UBE2B: variants seen among roughly 807,000 people sequenced by gnomAD.
The protein encoded by UBE2B is ubiquitin-conjugating enzyme E2 B.
Under a neutral mutation model 24.6 loss-of-function variants are expected in UBE2B, and 11 were observed. That is an observed-to-expected ratio of 0.45 (90% CI 0.28 to 0.74). The LOEUF is 0.74. Ranked by LOEUF, UBE2B falls within the 30% of genes least tolerant of loss-of-function variation. The pLI is 0.13. For synonymous variants in UBE2B, 68 were observed against 62.4 expected (o/e 1.09, Z -0.42); for missense variants, 78 against 185.6 (o/e 0.42, Z 3.37).
At chr5:134,387,883 A>G (rs1758832585) in intron 4 of UBE2B, among the ~76,000 whole-genome samples, 1 of 152,012 alleles carries the variant, frequency 6.6e-6, no homozygotes, top group African/African-American at 2.4e-5. Context: ...GCTCACTGCA[A>G]CCCCTGCCTC....
chr5:134,382,325 C>T (rs1758721723), intron 4 of UBE2B, among the ~76,000 whole-genome samples: 1 of 151,892 alleles, frequency 6.6e-6, no homozygotes, highest in Non-Finnish European at 1.5e-5. Flanking sequence ...TGGTGGCGCA[C>T]ACCTGTAGTC....
chr5:134,387,654 G>A, intron 4 of UBE2B, among the ~76,000 whole-genome samples: 1 of 152,188 alleles, frequency 6.6e-6, no homozygotes, highest in Non-Finnish European at 1.5e-5. Flanking sequence ...AGAATGACAA[G>A]TGAGCACACA....
chr5:134,383,119 C>G (rs527718826), intron 4 of UBE2B, among the ~76,000 whole-genome samples: 66 of 152,018 alleles, frequency 4.3e-4, no homozygotes, highest in African/African-American at 1.5e-3. Context: ...GAGCCAAGAT[C>G]GCGCCACTGC....
At chr5:134,386,617 A>T (rs1218174786) in intron 4 of UBE2B, among the ~76,000 whole-genome samples, 1 of 151,708 alleles carries the variant, frequency 6.6e-6, no homozygotes, top group Non-Finnish European at 1.5e-5. Context: ...GGGCAACAAG[A>T]GCGAAACTCC....
rs565431590 is a variant in UBE2B, at chr5:134,391,616, T to G, written c.*1263T>G. ...TCATATCCATAAAATTGGATTACAGTATGGCAATATCTACAGCTTCTATTC... is the reference window on the plus strand; with the variant it reads ...TCATATCCATAAAATTGGATTACAGGATGGCAATATCTACAGCTTCTATTC... On this transcript the variant is annotated 3_prime_UTR_variant, in exon 6 of 6. Coordinates refer to ENST00000265339, the MANE Select transcript of UBE2B (RefSeq NM_003337.4). 3.9e-5 allele frequency: 6 copies of G among 152,588 alleles called. No individual in the cohort carries two copies. Among genetic ancestry groups the G allele is most frequent in the Admixed American group, 2.6e-4 (4 of 15,268 alleles). The allele number at this position is 152,588 out of a possible 1,614,324, so 9.5% of individuals were successfully genotyped here.
Position 134,388,526 on chromosome 5 carries a change from G to A in UBE2B, c.330+113G>A, listed in dbSNP as rs567639455. The stretch of plus-strand genomic sequence containing the variant: ...CTTGGACAAGAATCCATGCTTTTCA[G>A]CTAACTTTTCTCTTTCAGTAGTGCC... On this transcript the variant is annotated intron_variant, in intron 5 of 5. Transcript: ENST00000265339. 6.5e-5 allele frequency: 63 copies of A among 966,688 alleles called. No individual in the cohort carries two copies. In the African/African-American group the frequency reaches 1.0e-3, roughly 15 times the overall value. The allele number at this position is 966,688 out of a possible 1,614,324, so 59.9% of individuals were successfully genotyped here. A position where few individuals can be genotyped will look rare whatever the true frequency, so the allele number is the denominator to read the frequency against.
chr5:134,383,473 C>CTTTTT (rs747399191), intron 4 of UBE2B, among the ~76,000 whole-genome samples: 4 of 80,040 alleles, frequency 5.0e-5, no homozygotes, highest in African/African-American at 1.6e-4. Flanking sequence ...CCATACCCAG[C>CTTTTT]TTTTTTTTTT....
intron 3 of UBE2B, among the ~76,000 whole-genome samples, chr5:134,379,179 T>C (rs564378043): frequency 2.0e-5 from 3 of 152,110 alleles, no homozygotes; most frequent in South Asian, 4.1e-4. Context: ...TACAAAACCA[T>C]GAATGGGTAA....
chr5:134,380,034 C>T (rs1758684005), intron 3 of UBE2B, among the ~76,000 whole-genome samples: 1 of 151,870 alleles, frequency 6.6e-6, no homozygotes, highest in East Asian at 1.9e-4. Context: ...TCTTGCCTCA[C>T]CCTCCTGAGT....
At chr5:134,385,473 T>C (rs990201346) in intron 4 of UBE2B, 10 of 152,214 alleles carry the variant, frequency 6.6e-5, no homozygotes, top group African/African-American at 2.4e-4. Flanking sequence ...TCTGTAACAT[T>C]TAAATGAATT....
chr5:134,380,501 A>G (rs1051677030), intron 3 of UBE2B, among the ~76,000 whole-genome samples: 2 of 152,228 alleles, frequency 1.3e-5, no homozygotes, highest in Non-Finnish European at 2.9e-5. Flanking sequence ...ACTCCCACCA[A>G]TAGCAACATG....
At chr5:134,382,748 T>C (rs1581323860) in intron 4 of UBE2B, among the ~76,000 whole-genome samples, 1 of 151,466 alleles carries the variant, frequency 6.6e-6, no homozygotes, top group East Asian at 1.9e-4. Context: ...CTCTCCATCC[T>C]GGGTGACAAA....
At chr5:134,377,738 G>A (rs34369152) in intron 3 of UBE2B, among the ~76,000 whole-genome samples, 20,448 of 151,952 alleles carry the variant, frequency 0.13, 1,649 homozygotes, top group African/African-American at 0.21. Flanking sequence ...GGACCCATAC[G>A]ATCAAATCTC....
intron 3 of UBE2B, among the ~76,000 whole-genome samples, chr5:134,379,133 T>C (rs140431644): frequency 8.8e-4 from 134 of 152,164 alleles, no homozygotes; most frequent in African/African-American, 3.1e-3. Flanking sequence ...TAAACTCGAG[T>C]CACCCAATAT....
intron 5 of UBE2B, chr5:134,389,117 A>T (rs1261799712): frequency 4.5e-6 from 1 of 224,278 alleles, no homozygotes; most frequent in Non-Finnish European, 9.0e-6. Context: ...ACGCCTGGCT[A>T]AGTTTTTGTA....
intron 2 of UBE2B, 104 bp downstream of exon 2, chr5:134,374,567 C>T: frequency 1.6e-6 from 2 of 1,242,506 alleles, no homozygotes; most frequent in Non-Finnish European, 1.2e-6. Flanking sequence ...AATGAGAGAT[C>T]TTAAGGACTA....
intron 3 of UBE2B, among the ~76,000 whole-genome samples, chr5:134,378,341 C>A (rs1352266746): frequency 6.6e-6 from 1 of 152,078 alleles, no homozygotes; most frequent in African/African-American, 2.4e-5. Context: ...CTCACTGAAG[C>A]CTCCGCCTCC....
chr5:134,390,103 C>CAT lies in UBE2B; in HGVS notation c.331-121_331-120dup. 1 of 1,196,846 alleles carries CAT rather than the reference C, an allele frequency of 8.4e-7. No individual in the cohort carries two copies. The highest frequency in any genetic ancestry group is 2.5e-5 in the East Asian group (1 of 40,706). 74.1% of individuals were successfully genotyped at this position (1,196,846 alleles called of 1,614,324 possible). ...AGTATTTAGACCCAAAATTATATGA[C>CAT]ATGTTAATCTCTGAAGTAATTTGTT... On this transcript the variant is annotated intron_variant, in intron 5 of 5. Transcript: ENST00000265339. The surrounding 1 kb of genome is among the most constrained non-coding windows in gnomAD (Gnocchi z 4.6).
At position 134,372,210 on chromosome 5, in the gene UBE2B, G is replaced by C. The variant is rs1581315895; in HGVS notation, c.44+571G>C. Reference sequence around the variant, plus strand: ...GACTCTGTCCCCGCCCGCCTGAAAGGACCTTGGGAACTGACTTAGAGATCT... The same window carrying C: ...GACTCTGTCCCCGCCCGCCTGAAAGCACCTTGGGAACTGACTTAGAGATCT... On this transcript the variant is annotated intron_variant, in intron 1 of 5. Transcript: ENST00000265339. 2.0e-5 allele frequency among the ~76,000 whole-genome samples: 3 copies of C among 152,308 alleles called. No individual in the cohort carries two copies. In the Middle Eastern group the frequency reaches 0.01, roughly 518 times the overall value.
Sources: gnomAD v4.1 joint callset for allele counts (sites outside exome capture counted in the v4.1 genomes callset) on GRCh38, gnomAD v4.1.1 for gene constraint, Gnocchi (gnomAD v3.1) non-coding constraint, MANE v1.5 for transcripts, NCBI Gene and HGNC (gene_info 2026-07-23, HGNC 2026-07-21) for gene names.